The following PTPRD variants were observed in gnomAD, a reference collection of about 807,000 sequenced individuals.
PTPRD encodes protein tyrosine phosphatase receptor type D.
PTPRD carries 34 observed loss-of-function variants against 214.5 expected under a neutral mutation model. That is an observed-to-expected ratio of 0.16 (90% CI 0.12 to 0.21). PTPRD has a LOEUF of 0.21. Among genes scored for constraint, PTPRD ranks in the 10% least tolerant of loss-of-function variants. PTPRD has a pLI of 1.00. For synonymous variants in PTPRD, 1,128 were observed against 845.7 expected (o/e 1.33, Z -5.79); for missense variants, 2,545 against 2,398.7 (o/e 1.06, Z -1.27).
intron 10 of PTPRD, among the ~76,000 whole-genome samples, chr9:9,152,348 A>G (rs1186490500): frequency 6.6e-6 from 1 of 152,200 alleles, no homozygotes; most frequent in African/African-American, 2.4e-5. Context: ...TCTGCCCTGT[A>G]TACCCAGGTA....
intron 5 of PTPRD, among the ~76,000 whole-genome samples, chr9:9,841,521 T>C (rs2058329239): frequency 6.6e-6 from 1 of 152,138 alleles, no homozygotes; most frequent in Non-Finnish European, 1.5e-5. Context: ...TTAGTTAGTA[T>C]TATTTTTACA....
At chr9:9,224,707 C>A (rs2099958307) in intron 9 of PTPRD, among the ~76,000 whole-genome samples, 1 of 151,924 alleles carries the variant, frequency 6.6e-6, no homozygotes, top group Non-Finnish European at 1.5e-5. Context: ...TGATATCACA[C>A]TTAAATTTTC....
At chr9:8,811,125 C>A (rs2096793792) in intron 11 of PTPRD, among the ~76,000 whole-genome samples, 1 of 152,160 alleles carries the variant, frequency 6.6e-6, no homozygotes, top group Non-Finnish European at 1.5e-5. Context: ...AGCAACTACT[C>A]CAGCAACTAA....
At chr9:10,157,944 T>G (rs1435469955) in intron 3 of PTPRD, among the ~76,000 whole-genome samples, 1 of 152,164 alleles carries the variant, frequency 6.6e-6, no homozygotes, top group Non-Finnish European at 1.5e-5. Flanking sequence ...CTAATACCGG[T>G]GATTGCATTG....
At chr9:10,360,927 C>T (rs2097370545) in intron 2 of PTPRD, among the ~76,000 whole-genome samples, 2 of 152,010 alleles carry the variant, frequency 1.3e-5, no homozygotes, top group South Asian at 2.1e-4. Context: ...ACGATGAAAC[C>T]CCGTCTCTAC....
intron 5 of PTPRD, among the ~76,000 whole-genome samples, chr9:9,910,935 C>G (rs1055996123): frequency 1.3e-5 from 2 of 151,878 alleles, no homozygotes; most frequent in Non-Finnish European, 2.9e-5. Flanking sequence ...AGTTCTCATT[C>G]CAGTGGGAAT....
At chr9:10,408,300 T>C (rs2098397499) in intron 2 of PTPRD, among the ~76,000 whole-genome samples, 1 of 151,634 alleles carries the variant, frequency 6.6e-6, no homozygotes. Context: ...TAGGTCTCTA[T>C]TATTTCCTTA....
At chr9:9,239,923 T>C (rs1261566494) in intron 9 of PTPRD, among the ~76,000 whole-genome samples, 3 of 152,152 alleles carry the variant, frequency 2.0e-5, no homozygotes, top group East Asian at 3.9e-4. Context: ...AAACCCAGGA[T>C]GACTAGAGGT....
chr9:8,455,615 A>C (rs2096163478), intron 33 of PTPRD, among the ~76,000 whole-genome samples: 1 of 152,208 alleles, frequency 6.6e-6, no homozygotes, highest in Non-Finnish European at 1.5e-5. Flanking sequence ...TTCAAAAATA[A>C]AAAAATCCAC....
intron 5 of PTPRD, among the ~76,000 whole-genome samples, chr9:9,780,843 A>G (rs1275639929): frequency 1.3e-5 from 2 of 152,258 alleles, no homozygotes; most frequent in Non-Finnish European, 2.9e-5. Flanking sequence ...GTGGAATACT[A>G]TTCATTGATA....
chr9:9,008,965 A>G (rs1220295391), intron 11 of PTPRD, among the ~76,000 whole-genome samples: 14 of 152,166 alleles, frequency 9.2e-5, no homozygotes, highest in Admixed American at 9.2e-4. Context: ...ATATCATATA[A>G]ATACACTTAA....
At chr9:9,158,512 A>T (rs950993484) in intron 10 of PTPRD, among the ~76,000 whole-genome samples, 11 of 152,144 alleles carry the variant, frequency 7.2e-5, no homozygotes, top group Non-Finnish European at 1.5e-4. Context: ...AGGCGGGAGA[A>T]TTGCTTGAAC....
intron 4 of PTPRD, among the ~76,000 whole-genome samples, chr9:9,998,544 G>A (rs908594803): frequency 7.8e-5 from 10 of 127,864 alleles, no homozygotes; most frequent in African/African-American, 2.7e-4. Context: ...ACATTATCAT[G>A]ATAGCTCTAC....
chr9:8,680,249 A>T (rs1257121691), intron 12 of PTPRD, among the ~76,000 whole-genome samples: 1 of 152,150 alleles, frequency 6.6e-6, no homozygotes, highest in Non-Finnish European at 1.5e-5. Context: ...ACACTGGAAA[A>T]CCAATGTTGA....
chr9:9,018,302 C>A (rs928192545), intron 11 of PTPRD, among the ~76,000 whole-genome samples: 1 of 152,126 alleles, frequency 6.6e-6, no homozygotes, highest in Non-Finnish European at 1.5e-5. Flanking sequence ...CACTAACCTA[C>A]TCCATTGATA....
At chr9:9,743,003 A>G (rs1223114972) in intron 6 of PTPRD, among the ~76,000 whole-genome samples, 1 of 152,116 alleles carries the variant, frequency 6.6e-6, no homozygotes, top group Non-Finnish European at 1.5e-5. Context: ...TGTCATACCA[A>G]TTACTCCAAA....
chr9:9,738,537 G>T (rs2098342112), intron 6 of PTPRD, among the ~76,000 whole-genome samples: 1 of 138,606 alleles, frequency 7.2e-6, no homozygotes, highest in Admixed American at 7.7e-5. Flanking sequence ...TCTGCCTCCT[G>T]GGTTCAAGTG....
intron 8 of PTPRD, among the ~76,000 whole-genome samples, chr9:9,408,086 A>G (rs941135110): frequency 6.6e-6 from 1 of 151,856 alleles, no homozygotes; most frequent in Non-Finnish European, 1.5e-5. Context: ...AACAGAAGCT[A>G]TGAAAGTAAC....
At chr9:9,942,698 G>A (rs774060369) in intron 4 of PTPRD, among the ~76,000 whole-genome samples, 2 of 151,932 alleles carry the variant, frequency 1.3e-5, no homozygotes, top group African/African-American at 4.8e-5. Flanking sequence ...ATTTTAATTA[G>A]CATTTAAAAA....
Sources: allele counts gnomAD v4.1 joint callset (sites outside exome capture counted in the v4.1 genomes callset), GRCh38; gene constraint gnomAD v4.1.1; transcripts MANE v1.5; gene names NCBI Gene and HGNC (gene_info 2026-07-23, HGNC 2026-07-21).